FREM1: variants seen among roughly 807,000 people sequenced by gnomAD.
The protein encoded by FREM1 is FRAS1-related extracellular matrix protein 1.
In FREM1, 220 loss-of-function variants were observed where a neutral mutation model predicts 210.1. The ratio of observed to expected loss-of-function variants is 1.05; its 90% CI spans 0.94 to 1.17. The LOEUF (loss-of-function observed/expected upper bound fraction) is 1.17, where lower values mean the gene tolerates loss of function less well. Among genes scored for constraint, FREM1 ranks in the 50% most tolerant of loss-of-function variants. The pLI is 0.00. For missense variants in FREM1, 3,454 were observed against 2,675.5 expected (o/e 1.29, Z -6.42); for synonymous variants, 1,189 against 980.2 (o/e 1.21, Z -3.98).
At chr9:14,761,563 A>G (rs1845501438) in intron 27 of FREM1, among the ~76,000 whole-genome samples, 1 of 152,238 alleles carries the variant, frequency 6.6e-6, no homozygotes, top group African/African-American at 2.4e-5. Flanking sequence ...CCTCTTTTTC[A>G]CAATTTGCTT....
Position 14,834,957 on chromosome 9 carries a change from C to G in FREM1, c.1881+6490G>C, listed in dbSNP as rs147276683. ...CAGACAATTGTTGTCTTGCTTTGTT[C>G]CTTCTCAAAAGATGGTTTATAATCA... On this transcript the variant is annotated intron_variant, in intron 10 of 36. Transcript: ENST00000380880. Among the ~76,000 whole-genome samples the G allele has an allele frequency of 7.5e-3, 1,143 of 152,176 alleles. 3 individuals carry two copies. Among genetic ancestry groups the G allele is most frequent in the Non-Finnish European group, 0.012 (831 of 68,008 alleles).
intron 3 of FREM1, among the ~76,000 whole-genome samples, chr9:14,862,052 T>C (rs2131691701): frequency 6.6e-6 from 1 of 152,356 alleles, no homozygotes; most frequent in East Asian, 1.9e-4. Flanking sequence ...CTTAGAAAGA[T>C]CAAATGGCCC....
At chr9:14,861,911 T>C (rs1218130689) in intron 3 of FREM1, among the ~76,000 whole-genome samples, 1 of 152,340 alleles carries the variant, frequency 6.6e-6, no homozygotes, top group East Asian at 1.9e-4. Flanking sequence ...TGCTATCAAA[T>C]ACTAGGTCTT....
At chr9:14,771,176 C>T (rs953642272) in intron 25 of FREM1, among the ~76,000 whole-genome samples, 1 of 152,168 alleles carries the variant, frequency 6.6e-6, no homozygotes, top group African/African-American at 2.4e-5. Flanking sequence ...TAAATGAATA[C>T]ACTAAAATTG....
chr9:14,883,476 T>C (rs1226459583), intron 1 of FREM1, among the ~76,000 whole-genome samples: 1 of 152,112 alleles, frequency 6.6e-6, no homozygotes, highest in African/African-American at 2.4e-5. Context: ...CCATGGAAAA[T>C]ACTGCTCTTA....
chr9:14,824,597 C>T lies in FREM1; in HGVS notation c.2078+199G>A, dbSNP rs144487310. ...GCTGAAGACACTACAAGCTGCAGATCACTTACCAACTAATACAGCTTTCAA... is the reference window on the plus strand; with the variant it reads ...GCTGAAGACACTACAAGCTGCAGATTACTTACCAACTAATACAGCTTTCAA... On this transcript the variant is annotated intron_variant, in intron 11 of 36. Coordinates refer to ENST00000380880, the MANE Select transcript of FREM1 (RefSeq NM_001379081.2). Among the ~76,000 whole-genome samples the T allele has an allele frequency of 5.6e-3, 848 of 152,266 alleles. 3 individuals are homozygous for T. Among genetic ancestry groups the T allele is most frequent in the African/African-American group, 0.018 (759 of 41,536 alleles).
chr9:14,782,912 T>G (rs1323984027), intron 24 of FREM1, among the ~76,000 whole-genome samples: 1 of 152,192 alleles, frequency 6.6e-6, no homozygotes, highest in Non-Finnish European at 1.5e-5. Context: ...GTCACAGAGT[T>G]GTGAGTCACT....
chr9:14,881,584 T>C (rs976950753), intron 1 of FREM1, among the ~76,000 whole-genome samples: 1 of 151,318 alleles, frequency 6.6e-6, no homozygotes, highest in Non-Finnish European at 1.5e-5. Context: ...CTCAGATAGA[T>C]TGTTAAAATA....
chr9:14,769,012 C>T (rs953465739), intron 27 of FREM1, among the ~76,000 whole-genome samples: 3 of 152,064 alleles, frequency 2.0e-5, no homozygotes, highest in African/African-American at 4.8e-5. Flanking sequence ...GGACTCTGAC[C>T]GACCTTTCTA....
At position 14,819,366 on chromosome 9, in the gene FREM1, G is replaced by A. The variant is rs1820864132; in HGVS notation, c.2414C>T (p.Ala805Val). 4 of 1,613,432 alleles carry A rather than the reference G, an allele frequency of 2.5e-6. No individual in the cohort carries two copies. The highest frequency in any genetic ancestry group is 2.2e-5 in the East Asian group (1 of 44,872). ...ISTEHILISD[A>V]DTKLDNIDLS... Reference sequence around the variant, plus strand: ...GTCAATATTGTCCAGCTTGGTATCTGCATCAGAAATTAGAATGTGCTCTGT... The same window carrying A: ...GTCAATATTGTCCAGCTTGGTATCTACATCAGAAATTAGAATGTGCTCTGT... Residue 805 changes from alanine to valine, a missense_variant, in exon 14 of 37, where the codon GCA (alanine) becomes GTA (valine). Physicochemically the swap from Ala to Val is moderately conservative, Grantham distance 64. Coordinates refer to ENST00000380880, the MANE Select transcript of FREM1 (RefSeq NM_001379081.2).
intron 3 of FREM1, among the ~76,000 whole-genome samples, chr9:14,859,698 C>G (rs1829448238): frequency 6.6e-6 from 1 of 152,164 alleles, no homozygotes; most frequent in African/African-American, 2.4e-5. Flanking sequence ...CTTCTTCCTC[C>G]CAACATCTTT....
At chr9:14,903,159 AT>A (rs1839076489) in intron 1 of FREM1, among the ~76,000 whole-genome samples, 1 of 152,208 alleles carries the variant, frequency 6.6e-6, no homozygotes, top group Non-Finnish European at 1.5e-5. Context: ...AAGTAAAGTC[AT>A]TTTTATAAAA....
Position 14,863,814 on chromosome 9 carries a change from A to T in FREM1, c.324T>A (p.Leu108=), listed in dbSNP as rs781396064. 7.4e-5 allele frequency: 119 copies of T among 1,604,872 alleles called. No individual in the cohort carries two copies. Among genetic ancestry groups the T allele is most frequent in the Non-Finnish European group, 9.5e-5 (111 of 1,171,804 alleles). The change falls in exon 3 of 37, where the codon CTT becomes CTA. Residue 108 remains leucine (L), a synonymous_variant. Coordinates refer to ENST00000380880, the MANE Select transcript of FREM1 (RefSeq NM_001379081.2). ...GATGTTCCCGTGCCGCTTACCTGTA[A>T]AGTCTGAGCTTCACTGTGTCTTCAT... ...ILDEDTVKLR[L]YRFTERDTFI...
intron 19 of FREM1, among the ~76,000 whole-genome samples, chr9:14,803,970 G>T (rs1255145575): frequency 6.6e-6 from 1 of 152,082 alleles, no homozygotes; most frequent in Non-Finnish European, 1.5e-5. Context: ...TGACTAAAAC[G>T]TGTGGTTGTT....
chr9:14,831,803 T>A (rs1390878458), intron 10 of FREM1, among the ~76,000 whole-genome samples: 1 of 152,180 alleles, frequency 6.6e-6, no homozygotes, highest in Non-Finnish European at 1.5e-5. Flanking sequence ...ACTGATTGCT[T>A]GGGGACAGAG....
chr9:14,773,665 AAT>A (rs1848012311), intron 25 of FREM1, among the ~76,000 whole-genome samples: 1 of 151,298 alleles, frequency 6.6e-6, no homozygotes, highest in Non-Finnish European at 1.5e-5. Context: ...GAAACTTTAC[AAT>A]ATATGTCCAA....
In FREM1 at chr9:14,784,443, G is replaced by A; in HGVS notation, c.4369C>T (p.Gln1457Ter). The change falls in exon 24 of 37, where the codon CAA becomes TAA. Residue 1457 changes from glutamine (Q) to a stop codon, truncating the protein, a stop_gained. Coordinates refer to ENST00000380880, the MANE Select transcript of FREM1 (RefSeq NM_001379081.2). LOFTEE classifies it high-confidence loss of function. ...YPGVPITNFS[Q>*]MDVVGQTVCY... ...ACTGTCTGCCCCACTACATCCATTTGGCTGAAGTTTGTAATGGGAACTCCA... is the reference window on the plus strand; with the variant it reads ...ACTGTCTGCCCCACTACATCCATTTAGCTGAAGTTTGTAATGGGAACTCCA... 6.2e-7 allele frequency: 1 copy of A among 1,613,820 alleles called. No homozygotes were observed. Among genetic ancestry groups the A allele is most frequent in the Non-Finnish European group, 8.5e-7 (1 of 1,179,822 alleles).
intron 5 of FREM1, among the ~76,000 whole-genome samples, chr9:14,856,315 C>G (rs1440838813): frequency 6.6e-6 from 1 of 152,192 alleles, no homozygotes. Context: ...TATTTGGACT[C>G]AGAAATTTAT....
intron 20 of FREM1, among the ~76,000 whole-genome samples, chr9:14,801,414 A>G (rs1817264245): frequency 6.6e-6 from 1 of 152,216 alleles, no homozygotes; most frequent in South Asian, 2.1e-4. Flanking sequence ...AGTATGCAAT[A>G]TATTGTTAAC....
Sources: gnomAD v4.1 joint callset for allele counts (sites outside exome capture counted in the v4.1 genomes callset) on GRCh38, gnomAD v4.1.1 for gene constraint, MANE v1.5 for transcripts, NCBI Gene and HGNC (gene_info 2026-07-23, HGNC 2026-07-21) for gene names.